Variants in FRY observed in about 807,000 individuals in gnomAD.
The protein encoded by FRY is protein furry homolog.
Under a neutral mutation model 348.4 loss-of-function variants are expected in FRY, and 128 were observed. The ratio of observed to expected loss-of-function variants is 0.37; its 90% CI spans 0.32 to 0.43. The LOEUF is 0.43. Ranked by LOEUF, FRY falls within the 20% of genes least tolerant of loss-of-function variation. The probability of loss-of-function intolerance (pLI) is 1.00; values close to 1 mark genes in which losing one functional copy is unlikely to be tolerated. For missense variants in FRY, 2,736 were observed against 3,695.2 expected (o/e 0.74, Z 6.73); for synonymous variants, 1,370 against 1,374.7 (o/e 1.00, Z 0.08).
At chr13:32,233,441 C>A (rs1886028598) in intron 41 of FRY, among the ~76,000 whole-genome samples, 1 of 152,348 alleles carries the variant, frequency 6.6e-6, no homozygotes, top group South Asian at 2.1e-4. Flanking sequence ...CTTTATCTTA[C>A]ATTTTCATTC....
At position 32,254,035 on chromosome 13, in the gene FRY, G is replaced by A. The variant is rs1476803890; in HGVS notation, c.7246-189G>A. 3.8e-5 allele frequency: 24 copies of A among 627,312 alleles called. No individual in the cohort carries two copies. The East Asian group carries it at 4.2e-4, about 11-fold the overall frequency. The allele number at this position is 627,312 out of a possible 1,614,324, so 38.9% of individuals were successfully genotyped here. A position where few individuals can be genotyped will look rare whatever the true frequency, so the allele number is the denominator to read the frequency against. Reference sequence around the variant, plus strand: ...ACATTTTCCTGGTGCATGAACTTGCGTCTTTGCCACGAGTTTAATCTGAAG... The same window carrying A: ...ACATTTTCCTGGTGCATGAACTTGCATCTTTGCCACGAGTTTAATCTGAAG... On this transcript the variant is annotated intron_variant, in intron 50 of 60. Transcript: ENST00000542859.
At position 32,228,545 on chromosome 13, in the gene FRY, G is replaced by T; in HGVS notation, c.5296G>T (p.Gly1766Ter). 1 of 1,613,930 alleles carries T rather than the reference G, an allele frequency of 6.2e-7. No individual in the cohort carries two copies. The highest frequency in any genetic ancestry group is 8.5e-7 in the Non-Finnish European group (1 of 1,179,886). The change falls in exon 40 of 61, where the codon GGA becomes TGA. Residue 1766 changes from glycine (G) to a stop codon, truncating the protein, a stop_gained. Transcript: ENST00000542859. LOFTEE classifies it high-confidence loss of function. ...SSSTSSSISLGGSSGNLPQMT... is the reference protein window; with the variant it reads ...SSSTSSSISL ...CTCCACCTCCTCTAGCATCAGTCTGGGAGGCAGCAGTGGAAACCTCCCACA... is the reference window on the plus strand; with the variant it reads ...CTCCACCTCCTCTAGCATCAGTCTGTGAGGCAGCAGTGGAAACCTCCCACA...
chr13:32,050,506 G>A (rs1873266462), intron 1 of FRY, among the ~76,000 whole-genome samples: 1 of 152,174 alleles, frequency 6.6e-6, no homozygotes, highest in Non-Finnish European at 1.5e-5. Flanking sequence ...GGATAGCAGT[G>A]TGCTTTCCTG....
intron 1 of FRY, among the ~76,000 whole-genome samples, chr13:32,070,892 G>A (rs1039987928): frequency 2.6e-5 from 4 of 152,122 alleles, no homozygotes; most frequent in Admixed American, 6.5e-5. Context: ...TTTTGTGTAA[G>A]GTGTAAGGAA....
chr13:32,208,335 A>C (rs752442148), intron 31 of FRY, among the ~76,000 whole-genome samples: 3 of 152,270 alleles, frequency 2.0e-5, no homozygotes. Flanking sequence ...AATTTATAAA[A>C]GCCTGATGGA....
rs540189661 is a variant in FRY at position 32,266,331 on chromosome 13, A to G, written c.7946+715A>G. On this transcript the variant is annotated intron_variant, in intron 54 of 60. Transcript: ENST00000542859. ...GAGAAGAATTTGACCTTTCATTTTT[A>G]TTCATTATCTCTTCTTTCTTCCTGC... Among the ~76,000 whole-genome samples, 4 of 152,292 alleles carry G rather than the reference A, an allele frequency of 2.6e-5. No homozygotes were observed. In the East Asian group the frequency reaches 7.7e-4, roughly 29 times the overall value.
intron 51 of FRY, among the ~76,000 whole-genome samples, chr13:32,258,141 A>G (rs1284227971): frequency 6.6e-6 from 1 of 152,164 alleles, no homozygotes; most frequent in Non-Finnish European, 1.5e-5. Context: ...TGGCTGCTCT[A>G]GTATGGAAAT....
chr13:32,267,937 A>G (rs1459926501), intron 55 of FRY, among the ~76,000 whole-genome samples: 1 of 152,186 alleles, frequency 6.6e-6, no homozygotes, highest in Admixed American at 6.5e-5. Context: ...CAGTCTAACT[A>G]CTGCCTCTCC....
intron 31 of FRY, among the ~76,000 whole-genome samples, chr13:32,208,139 G>C (rs781334523): frequency 6.6e-6 from 1 of 152,202 alleles, no homozygotes; most frequent in Non-Finnish European, 1.5e-5. Flanking sequence ...TCTCACAGGG[G>C]ACACACAGCC....
chr13:32,184,585 C>A lies in FRY; in HGVS notation c.3055-15C>A. 6.4e-7 allele frequency: 1 copy of A among 1,550,832 alleles called. No individual in the cohort carries two copies. The highest frequency in any genetic ancestry group is 8.9e-7 in the Non-Finnish European group (1 of 1,122,592). On this transcript the variant is annotated splice_polypyrimidine_tract_variant and intron_variant, in intron 24 of 60. Transcript: ENST00000542859. The stretch of plus-strand genomic sequence containing the variant: ...TTGCCTGTGTCTGTAAGTGATACTA[C>A]CTCTTTCTACACAGAACAAGAAACG...
intron 58 of FRY, among the ~76,000 whole-genome samples, chr13:32,286,995 T>C (rs1157259407): frequency 7.2e-6 from 1 of 139,186 alleles, no homozygotes; most frequent in Non-Finnish European, 1.6e-5. Context: ...CCATCTCTAC[T>C]AAAAAAAAAA....
chr13:32,272,207 C>T (rs142153289), intron 55 of FRY, among the ~76,000 whole-genome samples: 22 of 152,282 alleles, frequency 1.4e-4, no homozygotes, highest in Non-Finnish European at 3.1e-4. Context: ...GTCATTTCCT[C>T]ACAATGTGTG....
chr13:32,086,136 A>G (rs1875847151), intron 2 of FRY: 1 of 402,652 alleles, frequency 2.5e-6, no homozygotes, highest in Admixed American at 2.9e-5. Flanking sequence ...AGAAAAAAAT[A>G]AGAACCGCAT....
chr13:32,117,191 C>G (rs550047597), intron 3 of FRY, 143 bp from the exon 4 acceptor site: 2 of 747,738 alleles, frequency 2.7e-6, no homozygotes, highest in Non-Finnish European at 4.6e-6. Context: ...TGGGAATGTA[C>G]TAATAAAGAT....
At chr13:32,126,901 C>G (rs1879054392) in intron 7 of FRY, among the ~76,000 whole-genome samples, 1 of 152,102 alleles carries the variant, frequency 6.6e-6, no homozygotes, top group Non-Finnish European at 1.5e-5. Flanking sequence ...GATTATATGT[C>G]TCATTCCCAA....
intron 55 of FRY, among the ~76,000 whole-genome samples, chr13:32,268,914 C>T (rs185958569): frequency 1.9e-4 from 29 of 152,272 alleles, no homozygotes; most frequent in African/African-American, 6.5e-4. Flanking sequence ...TTAGACAGAA[C>T]TCCCACGGAT....
chr13:32,234,430 G>GAA, intron 41 of FRY, 144 bp from the exon 42 acceptor site: 15 of 686,824 alleles, frequency 2.2e-5, no homozygotes, highest in Non-Finnish European at 3.3e-5. Flanking sequence ...CTCAAAAAGA[G>GAA]AAAAAAAAAA....
At position 32,296,962 on chromosome 13, in the gene FRY, T is replaced by C. The variant is rs1436998658; in HGVS notation, c.*1502T>C. 2 of 152,240 alleles carry C rather than the reference T, an allele frequency of 1.3e-5. No individual in the cohort carries two copies. 9.4% of individuals were successfully genotyped at this position (152,240 alleles called of 1,614,324 possible). ...CCTTCAAATTTGGAAGTTAATTCTA[T>C]AGTGAGCAGGAAAAAGTAGTAGAGT... is the stretch of plus-strand genomic sequence containing the variant. On this transcript the variant is annotated 3_prime_UTR_variant, in exon 61 of 61. Transcript: ENST00000542859.
chr13:32,049,455 T>TTTG (rs1160124112), intron 1 of FRY, among the ~76,000 whole-genome samples: 2 of 112,956 alleles, frequency 1.8e-5, no homozygotes, highest in Non-Finnish European at 3.9e-5. Context: ...TTGTTTGTTT[T>TTTG]TTGGGACGGA....
Sources: allele counts gnomAD v4.1 joint callset (sites outside exome capture counted in the v4.1 genomes callset), GRCh38; gene constraint gnomAD v4.1.1; transcripts MANE v1.5; gene names NCBI Gene and HGNC (gene_info 2026-07-23, HGNC 2026-07-21).